Variants in CDH18 observed in about 807,000 individuals in gnomAD.
CDH18 encodes cadherin-18.
In CDH18, 31 loss-of-function variants were observed where a neutral mutation model predicts 67.9. The observed-to-expected ratio is 0.46, with a 90% CI of 0.34 to 0.62. The LOEUF (loss-of-function observed/expected upper bound fraction) is 0.62, where lower values mean the gene tolerates loss of function less well. Among genes scored for constraint, CDH18 ranks in the 20% least tolerant of loss-of-function variants. The pLI, the probability that CDH18 is intolerant of heterozygous loss-of-function variation, is 0.01. For missense variants in CDH18, 890 were observed against 975.5 expected, an observed-to-expected ratio of 0.91 and a Z score of 1.17; for synonymous variants, 362 against 347.2, an observed-to-expected ratio of 1.04 and a Z score of -0.48.
chr5:20,188,431 C>T (rs574582264), intron 2 of CDH18, among the ~76,000 whole-genome samples: 1 of 152,050 alleles, frequency 6.6e-6, no homozygotes, highest in South Asian at 2.1e-4. Flanking sequence ...CACATTGGTA[C>T]CATGGTTGAC....
intron 1 of CDH18, among the ~76,000 whole-genome samples, chr5:20,474,921 G>T (rs751458790): frequency 2.6e-5 from 4 of 152,002 alleles, no homozygotes; most frequent in Non-Finnish European, 5.9e-5. Context: ...TTATTGTGCT[G>T]TCTGCTTATT....
At chr5:20,369,536 T>C (rs527733923) in intron 1 of CDH18, among the ~76,000 whole-genome samples, 2 of 152,332 alleles carry the variant, frequency 1.3e-5, no homozygotes, top group Middle Eastern at 6.8e-3. Context: ...TGTTACGAAG[T>C]CATTTTTCTG....
chr5:20,337,963 G>A (rs2150038442), intron 1 of CDH18, among the ~76,000 whole-genome samples: 1 of 152,302 alleles, frequency 6.6e-6, no homozygotes, highest in Admixed American at 6.5e-5. Flanking sequence ...TTACATGGAT[G>A]GCAGTAGACA....
chr5:19,538,489 T>A (rs1749753722), intron 9 of CDH18, among the ~76,000 whole-genome samples: 1 of 152,204 alleles, frequency 6.6e-6, no homozygotes, highest in African/African-American at 2.4e-5. Flanking sequence ...ATACTCATAA[T>A]GTCATCTTTA....
intron 1 of CDH18, among the ~76,000 whole-genome samples, chr5:20,306,160 G>A (rs920734228): frequency 1.6e-4 from 24 of 152,088 alleles, no homozygotes; most frequent in African/African-American, 5.1e-4. Flanking sequence ...ATCAGGCCAT[G>A]AGGATCAAAA....
intron 1 of CDH18, among the ~76,000 whole-genome samples, chr5:20,525,049 C>T (rs1428194547): frequency 6.6e-6 from 1 of 152,060 alleles, no homozygotes; most frequent in African/African-American, 2.4e-5. Context: ...AACTTATTCC[C>T]TGTTTAGGAA....
intron 3 of CDH18, among the ~76,000 whole-genome samples, chr5:19,779,291 T>A (rs944301223): frequency 6.6e-6 from 1 of 152,182 alleles, no homozygotes; most frequent in African/African-American, 2.4e-5. Context: ...ATGTCCCAGA[T>A]TAACTATTGC....
intron 4 of CDH18, among the ~76,000 whole-genome samples, chr5:19,731,026 C>T (rs1767523095): frequency 6.6e-6 from 1 of 152,136 alleles, no homozygotes; most frequent in Non-Finnish European, 1.5e-5. Flanking sequence ...GCCTTATTAG[C>T]AGTGGTTTAC....
chr5:19,995,832 C>T (rs7736060), intron 2 of CDH18, among the ~76,000 whole-genome samples: 1 of 152,136 alleles, frequency 6.6e-6, no homozygotes, highest in East Asian at 1.9e-4. Flanking sequence ...AGAAACTACA[C>T]CTTCCATAGA....
At chr5:19,836,815 G>A (rs2150016579) in intron 3 of CDH18, among the ~76,000 whole-genome samples, 1 of 152,192 alleles carries the variant, frequency 6.6e-6, no homozygotes, top group South Asian at 2.1e-4. Context: ...TTAGATTTAA[G>A]TCTTTAATCC....
At chr5:20,280,451 A>G (rs1448557111) in intron 1 of CDH18, among the ~76,000 whole-genome samples, 1 of 152,156 alleles carries the variant, frequency 6.6e-6, no homozygotes, top group African/African-American at 2.4e-5. Context: ...GAGTGAGAAC[A>G]TGCGGTGTTT....
At chr5:20,043,541 A>G (rs1740633084) in intron 2 of CDH18, among the ~76,000 whole-genome samples, 1 of 152,188 alleles carries the variant, frequency 6.6e-6, no homozygotes, top group Non-Finnish European at 1.5e-5. Context: ...GGCACTAACT[A>G]TACAACCTTT....
At chr5:20,051,534 A>G (rs544323929) in intron 2 of CDH18, among the ~76,000 whole-genome samples, 1 of 152,108 alleles carries the variant, frequency 6.6e-6, no homozygotes, top group East Asian at 1.9e-4. Context: ...ACTATTTCAA[A>G]ATATTTTAAC....
intron 2 of CDH18, among the ~76,000 whole-genome samples, chr5:20,172,541 G>A (rs114762302): frequency 0.031 from 4,665 of 151,786 alleles, 126 homozygotes; most frequent in Admixed American, 0.098. Flanking sequence ...GGCCACAGTG[G>A]TTTTCTTGTG....
chr5:19,516,143 G>GATTACATTT (rs1302925082), intron 10 of CDH18, among the ~76,000 whole-genome samples: 1 of 152,000 alleles, frequency 6.6e-6, no homozygotes, highest in African/African-American at 2.4e-5. Flanking sequence ...TTATGTGATG[G>GATTACATTT]ATTACATTTA....
chr5:19,784,089 T>C (rs1421789873), intron 3 of CDH18, among the ~76,000 whole-genome samples: 1 of 152,208 alleles, frequency 6.6e-6, no homozygotes, highest in African/African-American at 2.4e-5. Context: ...TACATTTTAG[T>C]TATATGCCAT....
chr5:20,541,673 GTCTC>G (rs1239294676), intron 1 of CDH18, among the ~76,000 whole-genome samples: 1 of 152,100 alleles, frequency 6.6e-6, no homozygotes, highest in Non-Finnish European at 1.5e-5. Context: ...TGAAAAATAT[GTCTC>G]TCTAAATAAA....
At chr5:20,395,525 A>ATTT (rs1478725319) in intron 1 of CDH18, among the ~76,000 whole-genome samples, 1 of 152,146 alleles carries the variant, frequency 6.6e-6, no homozygotes, top group Non-Finnish European at 1.5e-5. Flanking sequence ...CTAAAATTAG[A>ATTT]TTTTACCACG....
intron 1 of CDH18, among the ~76,000 whole-genome samples, chr5:20,447,786 C>T (rs924452507): frequency 6.6e-6 from 1 of 152,036 alleles, no homozygotes; most frequent in Non-Finnish European, 1.5e-5. Flanking sequence ...AAAATGTTTT[C>T]CTTCCGTTTA....
Sources: gnomAD v4.1 joint callset for allele counts (sites outside exome capture counted in the v4.1 genomes callset) on GRCh38, gnomAD v4.1.1 for gene constraint, MANE v1.5 for transcripts, NCBI Gene and HGNC (gene_info 2026-07-23, HGNC 2026-07-21) for gene names.